Variants in PPFIBP1 observed in about 807,000 individuals in gnomAD.
The protein encoded by PPFIBP1 is PPFIB scaffold protein 1, also known as liprin-beta-1.
In PPFIBP1, 112 loss-of-function variants were observed where a neutral mutation model predicts 137.8. The observed-to-expected ratio is 0.81, with a 90% CI of 0.70 to 0.95. The LOEUF (loss-of-function observed/expected upper bound fraction) is 0.95, where lower values mean the gene tolerates loss of function less well. Ranked by LOEUF, PPFIBP1 falls within the 40% of genes least tolerant of loss-of-function variation. The probability of loss-of-function intolerance (pLI) is 0.00; values close to 1 mark genes in which losing one functional copy is unlikely to be tolerated. For synonymous variants in PPFIBP1, 378 were observed against 417.3 expected (o/e 0.91, Z 1.15); for missense variants, 1,083 against 1,196.6 (o/e 0.91, Z 1.40).
intron 2 of PPFIBP1, among the ~76,000 whole-genome samples, chr12:27,601,650 C>T (rs2137766682): frequency 6.6e-6 from 1 of 151,668 alleles, no homozygotes; most frequent in Middle Eastern, 3.4e-3. Flanking sequence ...CTCCCTGCAG[C>T]CATGCTGCCT....
chr12:27,593,419 T>G lies in PPFIBP1; in HGVS notation c.-36+15180T>G, dbSNP rs375943789. 1.7e-4 allele frequency: 77 copies of G among 455,810 alleles called. No homozygotes were observed. In the East Asian group the frequency reaches 2.8e-3, roughly 16 times the overall value. The allele number at this position is 455,810 out of a possible 1,614,324, so 28.2% of individuals were successfully genotyped here. On this transcript the variant is annotated intron_variant, in intron 2 of 29. Transcript: ENST00000228425. Reference sequence around the variant, plus strand: ...GCTCACCTCAGCCAGCTCATGTTCCTTAAGCCTTAGAGGAGTCTGTGGAGA... The same window carrying G: ...GCTCACCTCAGCCAGCTCATGTTCCGTAAGCCTTAGAGGAGTCTGTGGAGA...
At chr12:27,586,640 T>G (rs2051788631) in intron 2 of PPFIBP1, among the ~76,000 whole-genome samples, 2 of 151,628 alleles carry the variant, frequency 1.3e-5, no homozygotes, top group South Asian at 4.2e-4. Flanking sequence ...GAGGTTGCAG[T>G]GAGCAGAGAT....
chr12:27,649,123 G>A (rs2058720541), intron 6 of PPFIBP1, among the ~76,000 whole-genome samples: 4 of 152,244 alleles, frequency 2.6e-5, no homozygotes, highest in African/African-American at 7.2e-5. Flanking sequence ...TTCCTACTAT[G>A]TAGCCACACA....
chr12:27,574,228 G>A (rs1179626281), intron 1 of PPFIBP1, among the ~76,000 whole-genome samples: 1 of 152,154 alleles, frequency 6.6e-6, no homozygotes, highest in Non-Finnish European at 1.5e-5. Flanking sequence ...TGTGATGGTT[G>A]TGGCTGGATA....
intron 27 of PPFIBP1, among the ~76,000 whole-genome samples, chr12:27,690,492 A>T (rs2140566262): frequency 6.6e-6 from 1 of 152,280 alleles, no homozygotes; most frequent in East Asian, 1.9e-4. Flanking sequence ...GTCCCAGTGC[A>T]TTGGGAGGCC....
chr12:27,537,650 G>A (rs1477201721), intron 1 of PPFIBP1, among the ~76,000 whole-genome samples: 1 of 152,074 alleles, frequency 6.6e-6, no homozygotes, highest in Non-Finnish European at 1.5e-5. Flanking sequence ...CTTGCTTTGG[G>A]AGGGTTTACT....
intron 2 of PPFIBP1, among the ~76,000 whole-genome samples, chr12:27,605,468 C>A (rs2054432047): frequency 6.6e-6 from 1 of 151,922 alleles, no homozygotes; most frequent in Non-Finnish European, 1.5e-5. Flanking sequence ...ATTTGAGCCA[C>A]AAGTGGGAAC....
chr12:27,622,228 GT>G (rs2138594729), intron 2 of PPFIBP1, among the ~76,000 whole-genome samples: 1 of 152,230 alleles, frequency 6.6e-6, no homozygotes, highest in East Asian at 1.9e-4. Flanking sequence ...TCCAATCAGA[GT>G]GTGATGTAAC....
intron 10 of PPFIBP1, among the ~76,000 whole-genome samples, chr12:27,659,198 G>A (rs2059394018): frequency 6.6e-6 from 1 of 152,186 alleles, no homozygotes; most frequent in Admixed American, 6.5e-5. Context: ...AGGTTTACCA[G>A]AGTTGAAAGA....
At chr12:27,632,565 A>T (rs997314546) in intron 2 of PPFIBP1, among the ~76,000 whole-genome samples, 15 of 152,230 alleles carry the variant, frequency 9.9e-5, no homozygotes, top group African/African-American at 3.6e-4. Flanking sequence ...TAATTTCAGG[A>T]TAAACCCATC....
chr12:27,625,603 CAG>C (rs2056752132), intron 2 of PPFIBP1, among the ~76,000 whole-genome samples: 1 of 136,700 alleles, frequency 7.3e-6, no homozygotes, highest in African/African-American at 2.8e-5. Context: ...TTTTTGGAGA[CAG>C]AGTCTTGCTC....
At chr12:27,626,422 A>G (rs2056822604) in intron 2 of PPFIBP1, among the ~76,000 whole-genome samples, 1 of 152,116 alleles carries the variant, frequency 6.6e-6, no homozygotes, top group Non-Finnish European at 1.5e-5. Context: ...TTGTTGTCCC[A>G]AGGAGGAAAG....
chr12:27,552,108 A>G (rs546268453), intron 1 of PPFIBP1, among the ~76,000 whole-genome samples: 3 of 152,338 alleles, frequency 2.0e-5, no homozygotes, highest in Admixed American at 2.0e-4. Context: ...ATTCTCACAC[A>G]GCGTTTGTTC....
intron 1 of PPFIBP1, among the ~76,000 whole-genome samples, chr12:27,576,199 T>C (rs1274792352): frequency 6.6e-6 from 1 of 152,208 alleles, no homozygotes; most frequent in Non-Finnish European, 1.5e-5. Flanking sequence ...TTGGATTTTA[T>C]AGAACATAGG....
intron 2 of PPFIBP1, among the ~76,000 whole-genome samples, chr12:27,597,172 A>G (rs1253872063): frequency 2.0e-5 from 3 of 152,064 alleles, no homozygotes; most frequent in African/African-American, 7.2e-5. Flanking sequence ...TTTATTATTT[A>G]TTTATTTATT....
intron 2 of PPFIBP1, among the ~76,000 whole-genome samples, chr12:27,616,097 A>C (rs6487619): frequency 0.85 from 129,171 of 151,978 alleles, 55,915 homozygotes; most frequent in Non-Finnish European, 0.94. Context: ...TCCGTTCTCA[A>C]TTCTTTTCCC....
intron 4 of PPFIBP1, among the ~76,000 whole-genome samples, chr12:27,644,243 AGTTTTTTTTTTT>A (rs767727167): frequency 2.0e-5 from 1 of 50,864 alleles, no homozygotes; most frequent in African/African-American, 7.8e-5. Context: ...AGCTTGGCTA[AGTTTTTTTTTTT>A]TTTTTTTTTT....
At position 27,651,027 on chromosome 12, in the gene PPFIBP1, T is replaced by C. The variant is rs80328410; in HGVS notation, c.603+886T>C. The stretch of plus-strand genomic sequence containing the variant: ...GAGAGAGGAGAGAAAATGGTTTACT[T>C]ATTTTTCCCTTCTGTTTTTATTTCA... On this transcript the variant is annotated intron_variant, in intron 7 of 29. Transcript: ENST00000228425. 4.2e-3 allele frequency among the ~76,000 whole-genome samples: 644 copies of C among 152,272 alleles called. 30 individuals carry two copies. The East Asian group carries it at 0.1, about 25-fold the overall frequency.
At chr12:27,678,881 A>AAAAAAAAAAAAAAAAAC (rs2060707182) in intron 19 of PPFIBP1, among the ~76,000 whole-genome samples, 13 of 143,252 alleles carry the variant, frequency 9.1e-5, no homozygotes, top group African/African-American at 3.3e-4. Context: ...AAAAAAAAAA[A>AAAAAAAAAAAAAAAAAC]CATTTAAGAG....
Sources: gnomAD v4.1 joint callset for allele counts (sites outside exome capture counted in the v4.1 genomes callset) on GRCh38, gnomAD v4.1.1 for gene constraint, MANE v1.5 for transcripts, NCBI Gene and HGNC (gene_info 2026-07-23, HGNC 2026-07-21) for gene names.